Variants in LATS2 observed in about 807,000 individuals in gnomAD.
LATS2 encodes the protein serine/threonine-protein kinase LATS2.
Under a neutral mutation model 76.0 loss-of-function variants are expected in LATS2, and 24 were observed. The observed-to-expected ratio is 0.32, with a 90% confidence interval of 0.23 to 0.44. LATS2 has a LOEUF of 0.44. LATS2 is among the 20% of genes least tolerant of loss of function. The probability of loss-of-function intolerance (pLI) is 1.00; values close to 1 mark genes in which losing one functional copy is unlikely to be tolerated. For missense variants in LATS2, 1,286 were observed against 1,481.2 expected (o/e 0.87, Z 2.16); for synonymous variants, 692 against 635.4 (o/e 1.09, Z -1.34).
intron 5 of LATS2, among the ~76,000 whole-genome samples, chr13:20,981,920 G>A (rs958414955): frequency 2.6e-5 from 4 of 152,204 alleles, no homozygotes; most frequent in Non-Finnish European, 4.4e-5. Flanking sequence ...TGAGCTGGCA[G>A]GAAGGCACTG....
rs1207559222 is a variant in LATS2, at chr13:20,999,879, AT to A, written c.343-8476del. 5.9e-5 allele frequency among the ~76,000 whole-genome samples: 9 copies of A among 151,504 alleles called. No homozygotes were observed. In the East Asian group the frequency reaches 1.5e-3, roughly 26 times the overall value. ...CTAAACATACAAAAAAAAAAAAAAA[AT>A]AGCCAGGCGTGGTGGCACACACCTA... is the stretch of plus-strand genomic sequence containing the variant. On this transcript the variant is annotated intron_variant, in intron 2 of 7. Coordinates refer to ENST00000382592, the MANE Select transcript of LATS2 (RefSeq NM_014572.3).
intron 2 of LATS2, among the ~76,000 whole-genome samples, chr13:21,030,670 C>T (rs1872501704): frequency 6.6e-6 from 1 of 150,884 alleles, no homozygotes; most frequent in Non-Finnish European, 1.5e-5. Flanking sequence ...TCCCCCAACT[C>T]ATAGTGTTGT....
In LATS2 at chr13:20,988,028, G is replaced by A; in HGVS notation, c.1752C>T (p.Ser584=). 1 of 1,614,254 alleles carries A rather than the reference G, an allele frequency of 6.2e-7. No homozygotes were observed. Among genetic ancestry groups the A allele is most frequent in the Non-Finnish European group, 8.5e-7 (1 of 1,180,042 alleles). Reference sequence around the variant, plus strand: ...GTGACTCTCTCTTCTCTTCGTCTCTGCTGTTTTTGCGGACGGGAACGGGAG... The same window carrying A: ...GTGACTCTCTCTTCTCTTCGTCTCTACTGTTTTTGCGGACGGGAACGGGAG... The part of the protein sequence containing the change: ...QTSPVPVRKN[S]RDEEKRESRI... Residue 584 remains serine (S), a synonymous_variant, in exon 4 of 8, where the codon AGC becomes AGT. Coordinates refer to ENST00000382592, the MANE Select transcript of LATS2 (RefSeq NM_014572.3).
rs770778568 is a variant in LATS2 at position 20,988,890 on chromosome 13, G to A, written c.890C>T (p.Pro297Leu). Reference protein sequence around the residue: ...ASLPTKGQGGPPGAGLAFPPP... With the variant: ...ASLPTKGQGGLPGAGLAFPPP... ...TGGGAAAGCGAGGCCGGCGCCTGGCGGTCCTCCCTGGCCCTTCGTGGGCAG... is the reference window on the plus strand; with the variant it reads ...TGGGAAAGCGAGGCCGGCGCCTGGCAGTCCTCCCTGGCCCTTCGTGGGCAG... The change falls in exon 4 of 8, where the codon CCG (proline) becomes CTG (leucine). Residue 297 changes from proline (P) to leucine (L), a missense_variant. Around this residue, in one of 5 missense-constraint regions of LATS2, gnomAD observed 710 missense variants for 660.9 expected, o/e 1.07. Coordinates refer to ENST00000382592, the MANE Select transcript of LATS2 (RefSeq NM_014572.3). 2.0e-4 allele frequency: 309 copies of A among 1,543,150 alleles called. No individual in the cohort carries two copies. Among genetic ancestry groups the A allele is most frequent in the Non-Finnish European group, 2.5e-4 (286 of 1,151,458 alleles).
In LATS2 at chr13:20,974,775, A is replaced by C; in HGVS notation, c.*95T>G. ...AGTAATCGACGGACTAATTTAAAAC[A>C]AAACAGCCCTCGGCTTCCCTATTGG... is the stretch of plus-strand genomic sequence containing the variant. On this transcript the variant is annotated 3_prime_UTR_variant, in exon 8 of 8. Coordinates refer to ENST00000382592, the MANE Select transcript of LATS2 (RefSeq NM_014572.3). The C allele has an allele frequency of 7.3e-7, 1 of 1,363,280 alleles. No homozygotes were observed. The highest frequency in any genetic ancestry group is 1.0e-6 in the Non-Finnish European group (1 of 1,003,560). 84.4% of individuals were successfully genotyped at this position (1,363,280 alleles called of 1,614,324 possible). A position where few individuals can be genotyped will look rare whatever the true frequency, so the allele number is the denominator to read the frequency against.
chr13:21,026,588 T>C (rs946089207), intron 2 of LATS2, among the ~76,000 whole-genome samples: 1 of 152,222 alleles, frequency 6.6e-6, no homozygotes, highest in Admixed American at 6.5e-5. Flanking sequence ...AGTCTTTTTG[T>C]AGACATGTTT....
intron 2 of LATS2, among the ~76,000 whole-genome samples, chr13:21,031,623 G>T (rs556902823): frequency 8.5e-5 from 13 of 152,228 alleles, no homozygotes; most frequent in African/African-American, 3.1e-4. Flanking sequence ...AAGTTGGGGA[G>T]GGGGAGCATG....
chr13:21,035,018 G>C (rs895329865), intron 2 of LATS2, among the ~76,000 whole-genome samples: 3 of 151,942 alleles, frequency 2.0e-5, no homozygotes, highest in African/African-American at 7.3e-5. Context: ...ATCACTTGAG[G>C]CCAGGAGTTT....
At chr13:20,992,542 CAG>C (rs1427138928) in intron 2 of LATS2, among the ~76,000 whole-genome samples, 3 of 151,972 alleles carry the variant, frequency 2.0e-5, no homozygotes, top group Non-Finnish European at 4.4e-5. Context: ...GGAGGGTGAG[CAG>C]AGAGAAAAGA....
chr13:21,039,338 C>A (rs1872788732), intron 2 of LATS2, among the ~76,000 whole-genome samples: 1 of 152,176 alleles, frequency 6.6e-6, no homozygotes, highest in African/African-American at 2.4e-5. Context: ...AGGAAATGTA[C>A]ATGTTATCTA....
intron 7 of LATS2, among the ~76,000 whole-genome samples, chr13:20,977,248 T>C (rs1869662705): frequency 6.6e-6 from 1 of 151,776 alleles, no homozygotes; most frequent in Non-Finnish European, 1.5e-5. Context: ...ATACAAAAAT[T>C]AGCTGGTGTT....
Position 20,990,461 on chromosome 13 carries a change from A to ATTTTTTTTTTTTTTT in LATS2, c.475+796_475+810dup, listed in dbSNP as rs35074574. ...GGGAAAACTCTTGCTAATTACTAGG[A>ATTTTTTTTTTTTTTT]TTTTTTTTTTTTTTTTTTTTTTTTT... is the stretch of plus-strand genomic sequence containing the variant. On this transcript the variant is annotated intron_variant, in intron 3 of 7. Coordinates refer to ENST00000382592, the MANE Select transcript of LATS2 (RefSeq NM_014572.3). Among the ~76,000 whole-genome samples the ATTTTTTTTTTTTTTT allele has an allele frequency of 5.3e-5, 5 of 94,520 alleles. 1 individual carries two copies. The highest frequency in any genetic ancestry group is 1.3e-4 in the Admixed American group (1 of 7,426). 62.0% of individuals were successfully genotyped at this position (94,520 alleles called of 152,430 possible).
Position 20,983,758 on chromosome 13 carries a change from G to T in LATS2, c.1948C>A (p.Gln650Lys). ...EQEQMRKILYQKESNYNRLKR... is the reference protein window; with the variant it reads ...EQEQMRKILYKKESNYNRLKR... ...AACCTGTTGTAATTAGACTCTTTCT[G>T]GTAGAGGATCTTCCGCATCTGCTCC... is the stretch of plus-strand genomic sequence containing the variant. Residue 650 changes from glutamine to lysine, a missense_variant, in exon 5 of 8, where the codon CAG (glutamine) becomes AAG (lysine). Physicochemically the swap from Gln to Lys is moderately conservative, Grantham distance 53. Transcript: ENST00000382592. The T allele has an allele frequency of 2.5e-6, 4 of 1,613,888 alleles. No homozygotes were observed. Among genetic ancestry groups the T allele is most frequent in the Admixed American group, 1.7e-5 (1 of 60,010 alleles).
chr13:21,014,497 G>A (rs1239256894), intron 2 of LATS2, among the ~76,000 whole-genome samples: 1 of 152,208 alleles, frequency 6.6e-6, no homozygotes, highest in African/African-American at 2.4e-5. Flanking sequence ...GTATTTCTGA[G>A]TGAAATGTAT....
At chr13:20,976,291 G>A (rs1231082680) in intron 7 of LATS2, among the ~76,000 whole-genome samples, 1 of 152,174 alleles carries the variant, frequency 6.6e-6, no homozygotes, top group Non-Finnish European at 1.5e-5. Context: ...TGTGTGGGTG[G>A]TAGGCTTGGT....
intron 7 of LATS2, among the ~76,000 whole-genome samples, chr13:20,978,338 T>C (rs1420327738): frequency 6.6e-6 from 1 of 152,080 alleles, no homozygotes; most frequent in Non-Finnish European, 1.5e-5. Flanking sequence ...TGTCAGTTGG[T>C]ATGTCCACAG....
intron 2 of LATS2, among the ~76,000 whole-genome samples, chr13:21,020,655 G>A (rs1872019297): frequency 1.3e-5 from 2 of 152,262 alleles, no homozygotes; most frequent in South Asian, 2.1e-4. Flanking sequence ...CCATCAAACA[G>A]CCAGGCCAGG....
chr13:20,996,261 C>T (rs968096564), intron 2 of LATS2, among the ~76,000 whole-genome samples: 1 of 152,270 alleles, frequency 6.6e-6, no homozygotes. Context: ...CTGCCTCTAA[C>T]TTACCAGTTC....
intron 2 of LATS2, among the ~76,000 whole-genome samples, chr13:21,037,663 G>C (rs912549032): frequency 6.6e-6 from 1 of 152,134 alleles, no homozygotes; most frequent in Non-Finnish European, 1.5e-5. Context: ...GGGAGAGAAC[G>C]AGGGACCTAA....
Sources: allele counts gnomAD v4.1 joint callset (sites outside exome capture counted in the v4.1 genomes callset), GRCh38; gene constraint gnomAD v4.1.1; regional missense constraint gnomAD v4.1.1; transcripts MANE v1.5; gene names NCBI Gene and HGNC (gene_info 2026-07-23, HGNC 2026-07-21).